ROBO2: variants seen among roughly 807,000 people sequenced by gnomAD.
ROBO2 encodes roundabout homolog 2.
Under a neutral mutation model 160.8 loss-of-function variants are expected in ROBO2, and 53 were observed. That is an observed-to-expected ratio of 0.33 (90% CI 0.26 to 0.41). The LOEUF is 0.41. ROBO2 is among the 10% of genes least tolerant of loss of function. The pLI, the probability that ROBO2 is intolerant of heterozygous loss-of-function variation, is 1.00. For synonymous variants in ROBO2, 664 were observed against 611.7 expected (o/e 1.09, Z -1.26); for missense variants, 1,577 against 1,722.4 (o/e 0.92, Z 1.49).
chr3:77,464,228 A>T (rs892762129), intron 2 of ROBO2, among the ~76,000 whole-genome samples: 1 of 152,198 alleles, frequency 6.6e-6, no homozygotes, highest in African/African-American at 2.4e-5. Context: ...AACAGAGACA[A>T]CCGAGGCCAT....
Position 77,319,831 on chromosome 3 carries a change from ACT to A in ROBO2, c.389-157580_389-157579del, listed in dbSNP as rs1332525378. ...TTCATATTTGAAAATGCACTTAGAA[ACT>A]CTGTTGAGAAAGTTGCTTATGCTAT... On this transcript the variant is annotated intron_variant, in intron 2 of 25. Transcript: ENST00000461745. Among the ~76,000 whole-genome samples the A allele has an allele frequency of 2.0e-5, 3 of 151,804 alleles. No individual in the cohort carries two copies. In the East Asian group the frequency reaches 5.8e-4, roughly 29 times the overall value.
chr3:75,945,158 T>C lies in ROBO2; in HGVS notation c.109+7556T>C, dbSNP rs1046754697. ...AAGGAAATTGACCAAAACTCTGCCA[T>C]CATGAAGCTTGCATTCTAACATAGG... is the stretch of plus-strand genomic sequence containing the variant. On this transcript the variant is annotated intron_variant, in intron 2 of 26. Transcript: ENST00000487694. Among the ~76,000 whole-genome samples the C allele has an allele frequency of 6.3e-4, 96 of 152,266 alleles. 1 individual carries two copies. Among genetic ancestry groups the C allele is most frequent in the African/African-American group, 2.1e-3 (89 of 41,558 alleles).
At chr3:77,225,498 TC>T (rs1454725242) in intron 2 of ROBO2, among the ~76,000 whole-genome samples, 1 of 151,774 alleles carries the variant, frequency 6.6e-6, no homozygotes, top group African/African-American at 2.4e-5. Context: ...TATTTTTTTT[TC>T]TCCCTGTTCT....
At chr3:76,706,199 A>G (rs2093159836) in intron 2 of ROBO2, among the ~76,000 whole-genome samples, 2 of 152,144 alleles carry the variant, frequency 1.3e-5, no homozygotes, top group South Asian at 4.1e-4. Flanking sequence ...CTGTGCAGAA[A>G]CACAAAATAG....
At chr3:77,170,035 G>A (rs548357351) in intron 2 of ROBO2, among the ~76,000 whole-genome samples, 1 of 152,268 alleles carries the variant, frequency 6.6e-6, no homozygotes, top group East Asian at 1.9e-4. Context: ...TCATAAATCA[G>A]CAAGTGAGTG....
At chr3:76,355,569 C>A (rs1559812907) in intron 2 of ROBO2, among the ~76,000 whole-genome samples, 1 of 151,716 alleles carries the variant, frequency 6.6e-6, no homozygotes, top group Non-Finnish European at 1.5e-5. Context: ...CCTATATATT[C>A]ACTTATTCCT....
chr3:76,289,335 A>G (rs1708688278), intron 2 of ROBO2, among the ~76,000 whole-genome samples: 2 of 152,054 alleles, frequency 1.3e-5, no homozygotes, highest in Non-Finnish European at 2.9e-5. Flanking sequence ...TCACTTTTTA[A>G]TGGGCTTGAT....
intron 2 of ROBO2, among the ~76,000 whole-genome samples, chr3:76,806,833 T>A (rs768189315): frequency 1.3e-5 from 2 of 152,036 alleles, no homozygotes; most frequent in South Asian, 2.1e-4. Context: ...CATGATTAAT[T>A]TCTGCATATG....
intron 2 of ROBO2, among the ~76,000 whole-genome samples, chr3:76,153,076 A>T (rs1369768367): frequency 2.6e-5 from 4 of 152,182 alleles, no homozygotes; most frequent in Admixed American, 6.6e-5. Context: ...AAATTAATAT[A>T]ATAGTAAACA....
intron 2 of ROBO2, among the ~76,000 whole-genome samples, chr3:76,857,231 C>T (rs2070220040): frequency 6.6e-6 from 1 of 152,110 alleles, no homozygotes; most frequent in Admixed American, 6.5e-5. Flanking sequence ...GTGATCCGCC[C>T]GCCTCGGCCT....
At chr3:76,358,912 TCCCTCCC>T (rs1290157861) in intron 2 of ROBO2, among the ~76,000 whole-genome samples, 1 of 131,858 alleles carries the variant, frequency 7.6e-6, no homozygotes, top group African/African-American at 2.9e-5. Context: ...CCTAATGCTA[TCCCTCCC>T]CCCTCCCCCC....
intron 2 of ROBO2, among the ~76,000 whole-genome samples, chr3:76,852,588 C>G (rs2069524626): frequency 6.6e-6 from 1 of 152,092 alleles, no homozygotes; most frequent in South Asian, 2.1e-4. Context: ...AGATGTTATG[C>G]TACTTTTCAA....
At chr3:76,355,440 G>A (rs1260931256) in intron 2 of ROBO2, among the ~76,000 whole-genome samples, 1 of 151,682 alleles carries the variant, frequency 6.6e-6, no homozygotes, top group African/African-American at 2.4e-5. Flanking sequence ...GCTGAGACTT[G>A]GAAGGTGTGA....
At chr3:77,642,796 G>A (rs1368586318) in intron 24 of ROBO2, 1 of 456,576 alleles carries the variant, frequency 2.2e-6, no homozygotes, top group Admixed American at 2.3e-5. Context: ...GAGACAACAT[G>A]CATCCAGCTT....
intron 2 of ROBO2, among the ~76,000 whole-genome samples, chr3:77,374,580 G>A (rs184206165): frequency 1.1e-3 from 165 of 151,966 alleles, no homozygotes; most frequent in Admixed American, 0.01. Context: ...TTAGGAATAT[G>A]CTTCCTTAAA....
At chr3:76,260,798 T>G (rs1706694479) in intron 2 of ROBO2, among the ~76,000 whole-genome samples, 1 of 152,158 alleles carries the variant, frequency 6.6e-6, no homozygotes, top group Non-Finnish European at 1.5e-5. Flanking sequence ...ATTTGCATTT[T>G]TGTTAGTGTT....
intron 2 of ROBO2, among the ~76,000 whole-genome samples, chr3:77,019,984 T>C (rs905142462): frequency 6.6e-6 from 1 of 152,112 alleles, no homozygotes; most frequent in South Asian, 2.1e-4. Flanking sequence ...TGCCAAAGGA[T>C]CCTCATGAAG....
At chr3:77,000,100 G>T (rs942419896) in intron 2 of ROBO2, among the ~76,000 whole-genome samples, 2 of 151,990 alleles carry the variant, frequency 1.3e-5, no homozygotes, top group African/African-American at 4.8e-5. Context: ...AATGTCCAGA[G>T]AGAAAAGGAA....
At chr3:76,176,287 A>T (rs1206259446) in intron 2 of ROBO2, among the ~76,000 whole-genome samples, 1 of 152,098 alleles carries the variant, frequency 6.6e-6, no homozygotes, top group Non-Finnish European at 1.5e-5. Context: ...CATACTCTGA[A>T]TAGTGTGTGA....
Sources: allele counts gnomAD v4.1 joint callset (sites outside exome capture counted in the v4.1 genomes callset), GRCh38; gene constraint gnomAD v4.1.1; transcripts MANE v1.5; gene names NCBI Gene and HGNC (gene_info 2026-07-23, HGNC 2026-07-21).